The following NSMCE2 variants were observed in gnomAD, a reference collection of about 807,000 sequenced individuals.
NSMCE2 encodes NSE2 SUMO ligase component of SMC5/6 complex.
NSMCE2 carries 24 observed loss-of-function variants against 23.8 expected under a neutral mutation model. The ratio of observed to expected loss-of-function variants is 1.01; its 90% CI spans 0.73 to 1.42. The LOEUF (loss-of-function observed/expected upper bound fraction) is 1.42. Among genes scored for constraint, NSMCE2 ranks in the 40% most tolerant of loss-of-function variants. The pLI is 0.00. For synonymous variants in NSMCE2, 92 were observed against 94.1 expected (o/e 0.98, Z 0.13); for missense variants, 284 against 296.5 (o/e 0.96, Z 0.31).
intron 5 of NSMCE2, among the ~76,000 whole-genome samples, chr8:125,242,132 C>A (rs143288936): frequency 1.4e-3 from 208 of 152,052 alleles, no homozygotes; most frequent in African/African-American, 4.6e-3. Flanking sequence ...ACCACTGTTA[C>A]AGGTGACAGT....
intron 3 of NSMCE2, among the ~76,000 whole-genome samples, chr8:125,106,068 A>ACC (rs920597777): frequency 4.0e-5 from 6 of 151,804 alleles, no homozygotes; most frequent in African/African-American, 1.5e-4. Context: ...ACACACACAC[A>ACC]CACATTTTAA....
At chr8:125,233,958 T>C (rs570884813) in intron 5 of NSMCE2, among the ~76,000 whole-genome samples, 3 of 144,854 alleles carry the variant, frequency 2.1e-5, no homozygotes, top group South Asian at 4.3e-4. Context: ...AGGCGGATCA[T>C]GAAGTCAGGA....
chr8:125,150,407 T>C (rs1279893042), intron 3 of NSMCE2, among the ~76,000 whole-genome samples: 37 of 150,124 alleles, frequency 2.5e-4, no homozygotes, highest in African/African-American at 8.8e-4. Flanking sequence ...TCTTTTTTCT[T>C]TTTTTCTTTT....
chr8:125,351,855 TAC>T (rs1388763534), intron 5 of NSMCE2, among the ~76,000 whole-genome samples: 1 of 151,702 alleles, frequency 6.6e-6, no homozygotes, highest in Non-Finnish European at 1.5e-5. Context: ...CTACTAAAAA[TAC>T]ACAAAATTAA....
At chr8:125,291,777 CAAT>C (rs1263206556) in intron 5 of NSMCE2, among the ~76,000 whole-genome samples, 2 of 152,150 alleles carry the variant, frequency 1.3e-5, no homozygotes, top group African/African-American at 4.8e-5. Flanking sequence ...ATCTCGTAAA[CAAT>C]AATTAACAGA....
chr8:125,114,394 A>G (rs955512002), intron 3 of NSMCE2, among the ~76,000 whole-genome samples: 10 of 152,234 alleles, frequency 6.6e-5, no homozygotes, highest in African/African-American at 2.2e-4. Flanking sequence ...TTTAAAACCT[A>G]ACAGGAAAAT....
chr8:125,263,742 T>A (rs1287538776), intron 5 of NSMCE2, among the ~76,000 whole-genome samples: 1 of 148,894 alleles, frequency 6.7e-6, no homozygotes, highest in East Asian at 2.0e-4. Flanking sequence ...AGAGCGAGAC[T>A]CCATCTCAAA....
intron 3 of NSMCE2, among the ~76,000 whole-genome samples, chr8:125,150,729 C>T (rs563590910): frequency 6.6e-6 from 1 of 152,080 alleles, no homozygotes; most frequent in Non-Finnish European, 1.5e-5. Context: ...AATAATCTAG[C>T]TCTGTGTTAT....
intron 5 of NSMCE2, among the ~76,000 whole-genome samples, chr8:125,355,392 C>T (rs1193472913): frequency 2.6e-5 from 4 of 152,170 alleles, no homozygotes; most frequent in African/African-American, 4.8e-5. Context: ...ACACCATCAA[C>T]ATGTTTAGAA....
chr8:125,306,187 A>G (rs1398864069), intron 5 of NSMCE2, among the ~76,000 whole-genome samples: 1 of 152,118 alleles, frequency 6.6e-6, no homozygotes, highest in Admixed American at 6.5e-5. Flanking sequence ...AAAATTAGCC[A>G]GGTGTCATGG....
At chr8:125,288,365 G>A (rs935365839) in intron 5 of NSMCE2, among the ~76,000 whole-genome samples, 3 of 152,126 alleles carry the variant, frequency 2.0e-5, no homozygotes, top group Non-Finnish European at 2.9e-5. Flanking sequence ...CCTCCCTCAG[G>A]TAGTGCATCA....
At chr8:125,116,059 C>T (rs73348137) in intron 3 of NSMCE2, among the ~76,000 whole-genome samples, 7,205 of 152,220 alleles carry the variant, frequency 0.047, 571 homozygotes, top group African/African-American at 0.16. Flanking sequence ...CCCATGACCT[C>T]GATTTATCTG....
At chr8:125,100,120 G>A (rs1160432869) in intron 1 of NSMCE2, among the ~76,000 whole-genome samples, 1 of 152,020 alleles carries the variant, frequency 6.6e-6, no homozygotes, top group East Asian at 1.9e-4. Context: ...AGAGGTAAGC[G>A]GTGGGAGCTT....
At position 125,188,239 on chromosome 8, in the gene NSMCE2, C is replaced by T. The variant is rs180934632; in HGVS notation, c.418+5983C>T. Among the ~76,000 whole-genome samples the T allele has an allele frequency of 1.1e-3, 169 of 152,308 alleles. 1 individual carries two copies. In the South Asian group the frequency reaches 0.016, roughly 14 times the overall value. Reference sequence around the variant, plus strand: ...TACTATTTTTAGTTGGTGGCTTTTCCGTCTCCTTCAGCATCTACTCAAAAC... The same window carrying T: ...TACTATTTTTAGTTGGTGGCTTTTCTGTCTCCTTCAGCATCTACTCAAAAC... On this transcript the variant is annotated intron_variant, in intron 5 of 7. Coordinates refer to ENST00000287437, the MANE Select transcript of NSMCE2 (RefSeq NM_173685.4).
chr8:125,137,677 A>G (rs1162462818), intron 3 of NSMCE2, among the ~76,000 whole-genome samples: 1 of 152,176 alleles, frequency 6.6e-6, no homozygotes, highest in African/African-American at 2.4e-5. Flanking sequence ...TGACATAGAA[A>G]TGTTTATGCC....
At chr8:125,279,041 G>A (rs1827591259) in intron 5 of NSMCE2, among the ~76,000 whole-genome samples, 1 of 152,160 alleles carries the variant, frequency 6.6e-6, no homozygotes, top group African/African-American at 2.4e-5. Flanking sequence ...ACCACGAGGG[G>A]AAGTTTTTTA....
intron 1 of NSMCE2, among the ~76,000 whole-genome samples, chr8:125,097,846 G>A (rs1470480551): frequency 6.6e-6 from 1 of 152,130 alleles, no homozygotes; most frequent in Non-Finnish European, 1.5e-5. Context: ...GATTTGAAAA[G>A]CGTGTTTGCA....
At chr8:125,328,547 T>C (rs929307147) in intron 5 of NSMCE2, among the ~76,000 whole-genome samples, 1 of 152,214 alleles carries the variant, frequency 6.6e-6, no homozygotes, top group African/African-American at 2.4e-5. Flanking sequence ...CAGAATTCGC[T>C]GCCAAGCCAG....
intron 4 of NSMCE2, among the ~76,000 whole-genome samples, chr8:125,153,696 T>C (rs77672845): frequency 0.019 from 2,942 of 152,280 alleles, 87 homozygotes; most frequent in African/African-American, 0.068. Context: ...AACTCATGTT[T>C]TTTGTCTGTG....
Sources: gnomAD v4.1 joint callset for allele counts (sites outside exome capture counted in the v4.1 genomes callset) on GRCh38, gnomAD v4.1.1 for gene constraint, MANE v1.5 for transcripts, NCBI Gene and HGNC (gene_info 2026-07-23, HGNC 2026-07-21) for gene names.